The following ARHGEF28 variants were observed in gnomAD, a reference collection of about 807,000 sequenced individuals.
ARHGEF28 encodes the protein 190 kDa guanine nucleotide exchange factor.
Under a neutral mutation model 206.6 loss-of-function variants are expected in ARHGEF28, and 152 were observed. The observed-to-expected ratio is 0.74, with a 90% confidence interval of 0.64 to 0.84. The LOEUF (loss-of-function observed/expected upper bound fraction) is 0.84. Ranked by LOEUF, ARHGEF28 falls within the 40% of genes least tolerant of loss-of-function variation. The pLI, the probability that ARHGEF28 is intolerant of heterozygous loss-of-function variation, is 0.00. For missense variants in ARHGEF28, 2,028 were observed against 2,073.2 expected (o/e 0.98, Z 0.42); for synonymous variants, 763 against 776.4 (o/e 0.98, Z 0.29).
intron 13 of ARHGEF28, 96 bp from the exon 14 acceptor site, chr5:73,852,554 A>G (rs1758769960): frequency 1.9e-6 from 2 of 1,049,914 alleles, no homozygotes; most frequent in Middle Eastern, 2.2e-4. Flanking sequence ...GGTAGTGTGT[A>G]TAATGATACA....
intron 1 of ARHGEF28, among the ~76,000 whole-genome samples, chr5:73,631,004 A>T (rs1181068001): frequency 6.6e-6 from 1 of 152,144 alleles, no homozygotes; most frequent in Non-Finnish European, 1.5e-5. Flanking sequence ...ATCTTCCTGG[A>T]CTTAGTCCAA....
chr5:73,905,307 T>TAAAAAAAAAAA (rs10544463), intron 33 of ARHGEF28: 1 of 144,598 alleles, frequency 6.9e-6, no homozygotes. Flanking sequence ...GCCCATCCAT[T>TAAAAAAAAAAA]AAAAAAAAAA....
intron 11 of ARHGEF28, among the ~76,000 whole-genome samples, chr5:73,844,268 C>G (rs140432609): frequency 6.6e-6 from 1 of 152,124 alleles, no homozygotes; most frequent in East Asian, 1.9e-4. Flanking sequence ...GTGTTAAAAT[C>G]GGATATTATT....
At chr5:73,874,999 C>T (rs1464489902) in intron 22 of ARHGEF28, among the ~76,000 whole-genome samples, 2 of 152,016 alleles carry the variant, frequency 1.3e-5, no homozygotes, top group Admixed American at 6.6e-5. Flanking sequence ...GCCACACTGA[C>T]TTCCACAATG....
intron 35 of ARHGEF28, among the ~76,000 whole-genome samples, chr5:73,938,533 TG>T (rs1240333714): frequency 6.6e-6 from 1 of 152,208 alleles, no homozygotes; most frequent in African/African-American, 2.4e-5. Context: ...TTTTGTGCTC[TG>T]GCTGGCCCTT....
At chr5:73,753,336 G>C in intron 4 of ARHGEF28, 134 bp downstream of exon 4, 1 of 923,520 alleles carries the variant, frequency 1.1e-6, no homozygotes, top group South Asian at 2.3e-5. Flanking sequence ...GATGTGGAGG[G>C]GCTCCCTGAG....
intron 33 of ARHGEF28, among the ~76,000 whole-genome samples, chr5:73,907,530 A>G (rs1762625108): frequency 6.6e-6 from 1 of 152,232 alleles, no homozygotes; most frequent in Non-Finnish European, 1.5e-5. Context: ...AAGTTTTTAC[A>G]TAAACAATTT....
At position 73,749,958 on chromosome 5, in the gene ARHGEF28, A is replaced by G; in HGVS notation, c.155A>G (p.Asp52Gly). Residue 52 changes from aspartate (D) to glycine (G), a missense_variant, in exon 3 of 36, where the codon GAT becomes GGT. By Grantham distance (94) the Asp-to-Gly change is moderately conservative (BLOSUM62 -1). This residue lies in a region of ARHGEF28 where 1,002 missense variants were observed against 1,015.3 expected (regional missense o/e 0.99). Coordinates refer to ENST00000513042, the MANE Select transcript of ARHGEF28 (RefSeq NM_001177693.2). ...GTCATGATTGCAGAGCGCATCGAGG[A>G]TAACGTTCTCCAGTCCAGCGTCCCA... Reference protein sequence around the residue: ...RHVMIAERIEDNVLQSSVPGH... With the variant: ...RHVMIAERIEGNVLQSSVPGH... 6 of 1,613,990 alleles carry G rather than the reference A, an allele frequency of 3.7e-6. No individual in the cohort carries two copies. The highest frequency in any genetic ancestry group is 5.1e-6 in the Non-Finnish European group (6 of 1,179,882).
chr5:73,637,254 C>T (rs1452754990), intron 1 of ARHGEF28, among the ~76,000 whole-genome samples: 1 of 152,048 alleles, frequency 6.6e-6, no homozygotes, highest in Non-Finnish European at 1.5e-5. Context: ...AAAATAAGAA[C>T]TTATATAATG....
Position 73,844,640 on chromosome 5 carries a change from G to GT in ARHGEF28, c.1428-1613dup, listed in dbSNP as rs59807350. On this transcript the variant is annotated intron_variant, in intron 11 of 35. Transcript: ENST00000513042. Reference sequence around the variant, plus strand: ...TTTCAAAATAAAAAAAAAAGCCTATGTTTTTTTTTTTTTTTAAATAACCTA... The same window carrying GT: ...TTTCAAAATAAAAAAAAAAGCCTATGTTTTTTTTTTTTTTTTAAATAACCTA... Among the ~76,000 whole-genome samples the GT allele has an allele frequency of 4.9e-3, 562 of 114,340 alleles. 19 individuals carry two copies. The highest frequency in any genetic ancestry group is 0.015 in the African/African-American group (434 of 29,702). 75.0% of individuals were successfully genotyped at this position (114,340 alleles called of 152,430 possible).
chr5:73,800,215 C>T (rs1024848284), intron 9 of ARHGEF28, among the ~76,000 whole-genome samples: 19 of 152,020 alleles, frequency 1.2e-4, no homozygotes, highest in African/African-American at 9.7e-5. Flanking sequence ...CAAGATAATT[C>T]GTGTCCTGTG....
chr5:73,681,366 A>G lies in ARHGEF28; in HGVS notation c.-11-3475A>G, dbSNP rs542259583. Among the ~76,000 whole-genome samples the G allele has an allele frequency of 2.6e-5, 4 of 152,288 alleles. No individual in the cohort carries two copies. In the South Asian group the frequency reaches 8.3e-4, roughly 32 times the overall value. On this transcript the variant is annotated intron_variant, in intron 1 of 35. Coordinates refer to ENST00000513042, the MANE Select transcript of ARHGEF28 (RefSeq NM_001177693.2). ...AGAATTTTGGAAGGATCAACTTGTTAATGTTCTTGGGTTGGCCATTATTTT... is the reference window on the plus strand; with the variant it reads ...AGAATTTTGGAAGGATCAACTTGTTGATGTTCTTGGGTTGGCCATTATTTT...
chr5:73,639,268 A>G (rs1307417610), intron 1 of ARHGEF28, among the ~76,000 whole-genome samples: 1 of 149,216 alleles, frequency 6.7e-6, no homozygotes, highest in Non-Finnish European at 1.5e-5. Context: ...CCTTTTTTTT[A>G]CAATGAGCAT....
intron 35 of ARHGEF28, among the ~76,000 whole-genome samples, chr5:73,933,123 T>G (rs1313232431): frequency 1.3e-5 from 2 of 149,784 alleles, no homozygotes; most frequent in African/African-American, 4.9e-5. Context: ...TTCCTATTTC[T>G]TACATATTAC....
chr5:73,871,442 A>T (rs1760098673), intron 21 of ARHGEF28, among the ~76,000 whole-genome samples: 1 of 152,248 alleles, frequency 6.6e-6, no homozygotes, highest in South Asian at 2.1e-4. Flanking sequence ...TTGACAAAAT[A>T]TTAAAGCTAT....
At position 73,899,049 on chromosome 5, in the gene ARHGEF28, A is replaced by G. The variant is rs546259344; in HGVS notation, c.3973+956A>G. The G allele has an allele frequency of 9.3e-5, 12 of 128,888 alleles. No individual in the cohort carries two copies. The East Asian group carries it at 2.6e-3, about 27-fold the overall frequency. The allele number at this position is 128,888 out of a possible 1,614,324, so 8.0% of individuals were successfully genotyped here. On this transcript the variant is annotated intron_variant, in intron 30 of 35. Coordinates refer to ENST00000513042, the MANE Select transcript of ARHGEF28 (RefSeq NM_001177693.2). ...ATGCAGTATAGCTTTTTAATTCTATACTTCTTTTTTTTTTCTTTTTTAAAC... is the reference window on the plus strand; with the variant it reads ...ATGCAGTATAGCTTTTTAATTCTATGCTTCTTTTTTTTTTCTTTTTTAAAC...
intron 9 of ARHGEF28, among the ~76,000 whole-genome samples, chr5:73,812,510 T>C (rs942535238): frequency 6.6e-6 from 1 of 152,198 alleles, no homozygotes; most frequent in Admixed American, 6.5e-5. Flanking sequence ...ATTTGGGATA[T>C]CCTTTTTTTC....
intron 35 of ARHGEF28, among the ~76,000 whole-genome samples, chr5:73,926,494 C>T (rs994905614): frequency 1.3e-5 from 2 of 152,164 alleles, no homozygotes; most frequent in Non-Finnish European, 2.9e-5. Flanking sequence ...TTTCATCCCC[C>T]CCTACCCTTT....
intron 1 of ARHGEF28, among the ~76,000 whole-genome samples, chr5:73,679,235 A>G (rs1372247228): frequency 6.6e-6 from 1 of 152,180 alleles, no homozygotes; most frequent in Admixed American, 6.5e-5. Context: ...ATTTTTTTGC[A>G]ACAAAAGCAA....
Sources: allele counts gnomAD v4.1 joint callset (sites outside exome capture counted in the v4.1 genomes callset), GRCh38; gene constraint gnomAD v4.1.1; regional missense constraint gnomAD v4.1.1; transcripts MANE v1.5; gene names NCBI Gene and HGNC (gene_info 2026-07-23, HGNC 2026-07-21).